Variants in SLC28A3 observed in about 807,000 individuals in gnomAD.
SLC28A3 encodes the protein concentrative Na(+)-nucleoside cotransporter 3.
Under a neutral mutation model 84.2 loss-of-function variants are expected in SLC28A3, and 68 were observed. That is an observed-to-expected ratio of 0.81 (90% CI 0.66 to 0.99). The LOEUF (loss-of-function observed/expected upper bound fraction) is 0.99. Ranked by LOEUF, SLC28A3 falls within the 50% of genes least tolerant of loss-of-function variation. SLC28A3 has a pLI of 0.00. For missense variants in SLC28A3, 712 were observed against 841.5 expected, an observed-to-expected ratio of 0.85 and a Z score of 1.90; for synonymous variants, 267 against 303.6, an observed-to-expected ratio of 0.88 and a Z score of 1.25.
At chr9:84,362,190 G>A in the SLC28A3 span, among the ~76,000 whole-genome samples, 3 of 152,316 alleles carry the variant, frequency 2.0e-5, no homozygotes, top group South Asian at 6.2e-4. Context: ...TAACAATTGG[G>A]AGGCTGATAA....
chr9:84,307,293 T>C (rs1378737381), intron 3 of SLC28A3, among the ~76,000 whole-genome samples: 1 of 150,564 alleles, frequency 6.6e-6, no homozygotes, highest in Non-Finnish European at 1.5e-5. Context: ...TAGCCGGGTG[T>C]GGTGGCACAG....
intron 5 of SLC28A3, among the ~76,000 whole-genome samples, chr9:84,300,671 G>T (rs148429590): frequency 0.016 from 2,491 of 152,324 alleles, 36 homozygotes; most frequent in Middle Eastern, 0.031. Flanking sequence ...TGCTCAGGGG[G>T]CCACCTGAAG....
chr9:84,292,463 GTCTCTCTCTCTGTCTC>G (rs1370721308), intron 10 of SLC28A3, 189 bp downstream of exon 10: 18 of 500,472 alleles, frequency 3.6e-5, no homozygotes, highest in African/African-American at 1.5e-4. Flanking sequence ...CTGTCTCTCT[GTCTCTCTCTCTGTCTC>G]TCTCTCTCTC....
intron 1 of SLC28A3, among the ~76,000 whole-genome samples, chr9:84,335,418 C>T (rs139016793): frequency 2.3e-4 from 35 of 152,232 alleles, no homozygotes; most frequent in Non-Finnish European, 4.4e-4. Flanking sequence ...TGTGGTAGCA[C>T]GTGCCTGTAG....
At position 84,297,899 on chromosome 9, in the gene SLC28A3, A is replaced by AACTT. The variant is rs1210368489; in HGVS notation, c.783+3_783+6dup. 3.1e-6 allele frequency: 5 copies of AACTT among 1,592,004 alleles called. No homozygotes were observed. Among genetic ancestry groups the AACTT allele is most frequent in the Admixed American group, 1.9e-5 (1 of 51,788 alleles). ...AAAAGCAAAGTGTTCTTTTGAACCA[A>AACTT]ACTTACCTGAACTTGTCTGCCCAAC... On this transcript the variant is annotated splice_region_variant and intron_variant, in intron 7 of 17. Coordinates refer to ENST00000376238, the MANE Select transcript of SLC28A3 (RefSeq NM_001199633.2).
chr9:84,315,566 T>A (rs1287591080), intron 1 of SLC28A3, among the ~76,000 whole-genome samples: 1 of 152,184 alleles, frequency 6.6e-6, no homozygotes, highest in African/African-American at 2.4e-5. Flanking sequence ...TGGGCACTCC[T>A]TTAAGTGGCA....
chr9:84,341,621 A>T (rs1197982853), upstream of SLC28A3, among the ~76,000 whole-genome samples: 1 of 152,188 alleles, frequency 6.6e-6, no homozygotes, highest in Non-Finnish European at 1.5e-5. Flanking sequence ...CCTGCTTCAG[A>T]CTGGGCTGCT....
chr9:84,313,108 G>C (rs1356383073), intron 2 of SLC28A3, among the ~76,000 whole-genome samples: 1 of 152,214 alleles, frequency 6.6e-6, no homozygotes, highest in Non-Finnish European at 1.5e-5. Context: ...TTGAGATGGA[G>C]CTTGGAACTC....
At position 84,300,492 on chromosome 9, in the gene SLC28A3, G is replaced by A. The variant is rs149254986; in HGVS notation, c.525-767C>T. 2.4e-3 allele frequency among the ~76,000 whole-genome samples: 369 copies of A among 152,300 alleles called. 9 individuals are homozygous for A. In the East Asian group the frequency reaches 0.047, roughly 19 times the overall value. On this transcript the variant is annotated intron_variant, in intron 5 of 17. Coordinates refer to ENST00000376238, the MANE Select transcript of SLC28A3 (RefSeq NM_001199633.2). ...TTAGGGCAAGTTCTGGCTCCTCTGG[G>A]GAGCCCAGCAAGCATGACAAATCTG...
intron 1 of SLC28A3, among the ~76,000 whole-genome samples, chr9:84,328,375 G>GCCTGTAAT (rs1826651538): frequency 6.6e-6 from 1 of 150,432 alleles, no homozygotes; most frequent in South Asian, 2.1e-4. Flanking sequence ...GGTAGCTCAT[G>GCCTGTAAT]CCTGTAATCC....
rs1365689876 is a variant in SLC28A3 at position 84,277,512 on chromosome 9, T to TAAAACCAAGATGGATC, written c.*705_*706insGATCCATCTTGGTTTT. ...GACTGGGTGCTGAAGCAATATGGAT[T>TAAAACCAAGATGGATC]ACAACCAAGATGGATCATTACAAAC... On this transcript the variant is annotated 3_prime_UTR_variant, in exon 18 of 18. Transcript: ENST00000376238. 3 of 152,276 alleles carry TAAAACCAAGATGGATC rather than the reference T, an allele frequency of 2.0e-5. No homozygotes were observed. Among genetic ancestry groups the TAAAACCAAGATGGATC allele is most frequent in the African/African-American group, 7.2e-5 (3 of 41,472 alleles). 9.4% of individuals were successfully genotyped at this position (152,276 alleles called of 1,614,324 possible).
chr9:84,365,765 C>T, the SLC28A3 span, among the ~76,000 whole-genome samples: 5 of 152,098 alleles, frequency 3.3e-5, no homozygotes, highest in Non-Finnish European at 7.4e-5. Context: ...TGGGTGTGCT[C>T]GAAGACTGGG....
chr9:84,355,248 G>C, the SLC28A3 span, among the ~76,000 whole-genome samples: 9 of 152,278 alleles, frequency 5.9e-5, no homozygotes, highest in East Asian at 1.7e-3. Flanking sequence ...TTGGAGATCA[G>C]CCTGGGCAAC....
At chr9:84,294,414 G>A (rs1324181273) in intron 8 of SLC28A3, 139 bp from the exon 9 acceptor site, 2 of 751,348 alleles carry the variant, frequency 2.7e-6, no homozygotes, top group East Asian at 2.7e-5. Flanking sequence ...ACTTTAATCA[G>A]GCAGCTTCCC....
At chr9:84,300,815 T>C (rs1825599805) in intron 5 of SLC28A3, among the ~76,000 whole-genome samples, 1 of 152,022 alleles carries the variant, frequency 6.6e-6, no homozygotes, top group South Asian at 2.1e-4. Context: ...TTCATATCCA[T>C]AGCAGGTAGC....
At chr9:84,298,114 A>G (rs1352696528) in intron 6 of SLC28A3, 95 bp from the exon 7 acceptor site, 4 of 1,015,502 alleles carry the variant, frequency 3.9e-6, no homozygotes, top group Non-Finnish European at 4.5e-6. Flanking sequence ...TGAACACACT[A>G]TCAGATGTGG....
chr9:84,289,931 A>T, intron 11 of SLC28A3: 1 of 380,398 alleles, frequency 2.6e-6, no homozygotes, highest in African/African-American at 2.0e-5. Context: ...TTCTGTTTTT[A>T]TTCTGCAGAT....
At chr9:84,313,096 C>T (rs905022366) in intron 2 of SLC28A3, among the ~76,000 whole-genome samples, 2 of 152,120 alleles carry the variant, frequency 1.3e-5, no homozygotes. Flanking sequence ...ATGCCTTTTT[C>T]CTTGAGATGG....
rs537957368 is a variant in SLC28A3 at position 84,320,053 on chromosome 9, T to G, written c.61-6599A>C. On this transcript the variant is annotated intron_variant, in intron 1 of 17. Transcript: ENST00000376238. ...CTGGCTTGCACTGTTTTTTTTTTTT[T>G]TTTTTTTTTTTTTTGAGACAGATTC... 2.7e-4 allele frequency among the ~76,000 whole-genome samples: 36 copies of G among 132,358 alleles called. 1 individual carries two copies. In the South Asian group the frequency reaches 4.0e-3, roughly 15 times the overall value. The allele number at this position is 132,358 out of a possible 152,430, so 86.8% of individuals were successfully genotyped here.
Sources: allele counts gnomAD v4.1 joint callset (sites outside exome capture counted in the v4.1 genomes callset), GRCh38; gene constraint gnomAD v4.1.1; transcripts MANE v1.5; gene names NCBI Gene and HGNC (gene_info 2026-07-23, HGNC 2026-07-21).